SERGEF: variants seen among roughly 807,000 people sequenced by gnomAD.
SERGEF encodes the protein secretion-regulating guanine nucleotide exchange factor.
SERGEF carries 51 observed loss-of-function variants against 50.0 expected under a neutral mutation model. The observed-to-expected ratio is 1.02, with a 90% CI of 0.81 to 1.29. The LOEUF (loss-of-function observed/expected upper bound fraction) is 1.29. SERGEF is among the 50% of genes most tolerant of loss of function. The pLI is 0.00. For missense variants in SERGEF, 521 were observed against 557.0 expected, an observed-to-expected ratio of 0.94 and a Z score of 0.65; for synonymous variants, 205 against 212.4, an observed-to-expected ratio of 0.97 and a Z score of 0.30.
chr11:17,932,188 A>G (rs1485898192), intron 9 of SERGEF, among the ~76,000 whole-genome samples: 1 of 152,186 alleles, frequency 6.6e-6, no homozygotes, highest in Non-Finnish European at 1.5e-5. Context: ...AGAAAGAAAG[A>G]AATGCTCTGC....
chr11:17,972,843 G>A (rs1413851448), intron 8 of SERGEF, among the ~76,000 whole-genome samples: 2 of 152,010 alleles, frequency 1.3e-5, no homozygotes, highest in African/African-American at 4.8e-5. Flanking sequence ...GATGGCTTTT[G>A]GGAGGCCCAA....
Position 17,995,889 on chromosome 11 carries a change from A to T in SERGEF, c.529T>A (p.Trp177Arg). 1 of 1,613,674 alleles carries T rather than the reference A, an allele frequency of 6.2e-7. No individual in the cohort carries two copies. The highest frequency in any genetic ancestry group is 8.5e-7 in the Non-Finnish European group (1 of 1,179,712). ...AATASGIVFQ[W>R]GTGLASCGRR... is the part of the protein sequence containing the mutation. The stretch of plus-strand genomic sequence containing the variant: ...CCACATGATGCCAAACCAGTCCCCC[A>T]CTGGAACACGATGCCACTCGCTTCC... The change falls in exon 6 of 11, where the codon TGG (tryptophan) becomes AGG (arginine). Residue 177 changes from tryptophan (W) to arginine (R), a missense_variant. Coordinates refer to ENST00000265965, the MANE Select transcript of SERGEF (RefSeq NM_012139.4).
intron 9 of SERGEF, among the ~76,000 whole-genome samples, chr11:17,958,515 C>T (rs1852921873): frequency 1.3e-5 from 2 of 152,096 alleles, no homozygotes; most frequent in Admixed American, 1.3e-4. Flanking sequence ...CAAGCCATTT[C>T]AGAAAATCAA....
intron 10 of SERGEF, among the ~76,000 whole-genome samples, chr11:17,825,656 C>T (rs1275437183): frequency 6.6e-6 from 1 of 152,152 alleles, no homozygotes; most frequent in Non-Finnish European, 1.5e-5. Flanking sequence ...ATGGTTTGCA[C>T]ACATGCTTTT....
chr11:17,859,622 T>C (rs1014497796), intron 10 of SERGEF, among the ~76,000 whole-genome samples: 2 of 151,994 alleles, frequency 1.3e-5, no homozygotes, highest in Middle Eastern at 3.4e-3. Context: ...AAGATACATA[T>C]CAAGGCATGT....
intron 8 of SERGEF, among the ~76,000 whole-genome samples, chr11:17,965,535 C>T (rs901714753): frequency 6.6e-6 from 1 of 152,142 alleles, no homozygotes; most frequent in Non-Finnish European, 1.5e-5. Flanking sequence ...TTCCTCTGTG[C>T]AACAATCTCA....
Position 17,896,714 on chromosome 11 carries a change from GGGAAGGGTAAC to G in SERGEF, c.1012-18481_1012-18471del, listed in dbSNP as rs1188642452. On this transcript the variant is annotated intron_variant, in intron 9 of 10. Transcript: ENST00000265965. ...AAGGGGAAGGGTAAGGGAAGGGTAA[GGGAAGGGTAAC>G]GGAAGGGTAACGGAAGGGTAACGGA... Among the ~76,000 whole-genome samples the G allele has an allele frequency of 3.1e-3, 159 of 51,834 alleles. 5 individuals carry two copies. The highest frequency in any genetic ancestry group is 0.01 in the East Asian group (17 of 1,638). 34.0% of individuals were successfully genotyped at this position (51,834 alleles called of 152,430 possible).
chr11:18,000,388 A>G, intron 5 of SERGEF, 109 bp downstream of exon 5: 2 of 708,180 alleles, frequency 2.8e-6, no homozygotes, highest in Non-Finnish European at 4.6e-6. Context: ...GTTCAAGGCT[A>G]CAGCAAGCTA....
chr11:17,892,312 G>A (rs1851546132), intron 9 of SERGEF, among the ~76,000 whole-genome samples: 2 of 152,180 alleles, frequency 1.3e-5, no homozygotes, highest in Admixed American at 6.5e-5. Context: ...GTTAGCAAAT[G>A]TGACACAAGT....
At chr11:17,960,995 G>A (rs1031607271) in intron 8 of SERGEF, among the ~76,000 whole-genome samples, 8 of 152,128 alleles carry the variant, frequency 5.3e-5, no homozygotes, top group African/African-American at 1.4e-4. Context: ...TGGCTCCACC[G>A]TTGGAGTCCA....
At chr11:17,948,366 A>T (rs1369630992) in intron 9 of SERGEF, among the ~76,000 whole-genome samples, 2 of 152,208 alleles carry the variant, frequency 1.3e-5, no homozygotes, top group Admixed American at 6.5e-5. Context: ...GACTCAGAGA[A>T]GTAAAAGCAG....
At chr11:17,848,214 G>A (rs148195003) in intron 10 of SERGEF, among the ~76,000 whole-genome samples, 2 of 152,176 alleles carry the variant, frequency 1.3e-5, no homozygotes, top group East Asian at 3.9e-4. Flanking sequence ...ATATGTGTTA[G>A]AGCCAAGTTA....
chr11:17,987,923 A>T (rs1853634150), intron 8 of SERGEF, among the ~76,000 whole-genome samples: 1 of 152,212 alleles, frequency 6.6e-6, no homozygotes, highest in African/African-American at 2.4e-5. Flanking sequence ...CTGTGAAATC[A>T]ACAGGCAGGA....
At position 17,995,909 on chromosome 11, in the gene SERGEF, G is replaced by A. The variant is rs150637785; in HGVS notation, c.509C>T (p.Ala170Val). 1.3e-5 allele frequency: 21 copies of A among 1,608,366 alleles called. No homozygotes were observed. Among genetic ancestry groups the A allele is most frequent in the African/African-American group, 4.0e-5 (3 of 74,750 alleles). Residue 170 changes from alanine (A) to valine (V), a missense_variant and splice_region_variant, in exon 6 of 11, where the codon GCG becomes GTG. Ala to Val is a moderately conservative substitution (Grantham distance 64). Coordinates refer to ENST00000265965, the MANE Select transcript of SERGEF (RefSeq NM_012139.4). ...AGLRHAVAATASGIVFQWGTG... is the reference protein window; with the variant it reads ...AGLRHAVAATVSGIVFQWGTG... ...CCCCCACTGGAACACGATGCCACTC[G>A]CTTCCCAACAGAATGGAAGAGAAAG...
At chr11:17,901,738 G>T (rs1340953961) in intron 9 of SERGEF, among the ~76,000 whole-genome samples, 1 of 152,140 alleles carries the variant, frequency 6.6e-6, no homozygotes, top group Non-Finnish European at 1.5e-5. Context: ...TCAGAATTTT[G>T]ACAGCACCAT....
intron 9 of SERGEF, among the ~76,000 whole-genome samples, chr11:17,937,410 G>A (rs1245091656): frequency 1.3e-5 from 2 of 152,036 alleles, no homozygotes; most frequent in African/African-American, 2.4e-5. Flanking sequence ...GGTGGTGCGT[G>A]CCTATAGTCC....
At chr11:17,980,879 G>A (rs866119542) in intron 8 of SERGEF, among the ~76,000 whole-genome samples, 1 of 152,230 alleles carries the variant, frequency 6.6e-6, no homozygotes. Flanking sequence ...TTTTTTATAG[G>A]ATAGAATTTC....
chr11:17,979,474 G>C (rs181637779), intron 8 of SERGEF, among the ~76,000 whole-genome samples: 1 of 152,288 alleles, frequency 6.6e-6, no homozygotes, highest in East Asian at 1.9e-4. Flanking sequence ...CCAAATAGTG[G>C]GGAAGACACC....
At chr11:17,795,984 T>C (rs1227346459) in intron 10 of SERGEF, among the ~76,000 whole-genome samples, 1 of 152,202 alleles carries the variant, frequency 6.6e-6, no homozygotes, top group Non-Finnish European at 1.5e-5. Context: ...GATCCTTACA[T>C]ATTAAAACTT....
Sources: allele counts gnomAD v4.1 joint callset (sites outside exome capture counted in the v4.1 genomes callset), GRCh38; gene constraint gnomAD v4.1.1; transcripts MANE v1.5; gene names NCBI Gene and HGNC (gene_info 2026-07-23, HGNC 2026-07-21).